The following PIP5K1C variants were observed in gnomAD, a reference collection of about 807,000 sequenced individuals.
The protein encoded by PIP5K1C is phosphatidylinositol-4-phosphate 5-kinase type 1 gamma, also known as phosphatidylinositol 4-phosphate 5-kinase type-1 gamma.
In PIP5K1C, 45 loss-of-function variants were observed where a neutral mutation model predicts 80.1. That is an observed-to-expected ratio of 0.56 (90% CI 0.44 to 0.72). The LOEUF (loss-of-function observed/expected upper bound fraction) is 0.72. Among genes scored for constraint, PIP5K1C ranks in the 30% least tolerant of loss-of-function variants. PIP5K1C has a pLI of 0.00. For synonymous variants in PIP5K1C, 498 were observed against 420.1 expected, an observed-to-expected ratio of 1.19 and a Z score of -2.27; for missense variants, 753 against 954.6, an observed-to-expected ratio of 0.79 and a Z score of 2.78.
chr19:3,643,134 C>G, intron 13 of PIP5K1C, 109 bp downstream of exon 13: 2 of 1,557,062 alleles, frequency 1.3e-6, no homozygotes, highest in South Asian at 1.1e-5. Context: ...ACCGTACATA[C>G]GATGCTCCAC....
chr19:3,653,644 G>A lies in PIP5K1C; in HGVS notation c.622-55C>T, dbSNP rs111957805. 9.7e-4 allele frequency: 1,477 copies of A among 1,526,890 alleles called. 17 individuals are homozygous for A. In the African/African-American group the frequency reaches 0.018, roughly 19 times the overall value. The allele number at this position is 1,526,890 out of a possible 1,614,324, so 94.6% of individuals were successfully genotyped here. On this transcript the variant is annotated intron_variant, in intron 6 of 17. Transcript: ENST00000335312. The stretch of plus-strand genomic sequence containing the variant: ...GGCGGCTGGGCCACAGACTCACGGG[G>A]GCGGGCAAAGCAGGCCTCTGCCTCA...
rs2035112124 is a variant in PIP5K1C, at chr19:3,668,968, C to T, written c.95-1615G>A. 2.0e-5 allele frequency among the ~76,000 whole-genome samples: 3 copies of T among 152,292 alleles called. No homozygotes were observed. The South Asian group carries it at 6.2e-4, about 32-fold the overall frequency. ...GGCGGGTACCGAAGGGGAGTGCCTCCCTGTTGGATTCCGATGCTGGCACCA... is the reference window on the plus strand; with the variant it reads ...GGCGGGTACCGAAGGGGAGTGCCTCTCTGTTGGATTCCGATGCTGGCACCA... On this transcript the variant is annotated intron_variant, in intron 1 of 17. Coordinates refer to ENST00000335312, the MANE Select transcript of PIP5K1C (RefSeq NM_012398.3).
intron 2 of PIP5K1C, among the ~76,000 whole-genome samples, chr19:3,665,244 G>A (rs1025193628): frequency 6.6e-6 from 1 of 152,180 alleles, no homozygotes; most frequent in African/African-American, 2.4e-5. Flanking sequence ...TGTGGACACT[G>A]GGGCTGGACC....
chr19:3,693,929 G>A (rs979241038), intron 1 of PIP5K1C, among the ~76,000 whole-genome samples: 4 of 151,776 alleles, frequency 2.6e-5, no homozygotes, highest in African/African-American at 9.7e-5. Context: ...AAATTTAAAA[G>A]AGGCTGGGCG....
intron 3 of PIP5K1C, among the ~76,000 whole-genome samples, chr19:3,662,425 A>G (rs1176425879): frequency 6.6e-6 from 1 of 152,216 alleles, no homozygotes; most frequent in African/African-American, 2.4e-5. Flanking sequence ...GGTTCCCGTT[A>G]GCTGCTTTCT....
intron 14 of PIP5K1C, 98 bp downstream of exon 14, chr19:3,642,809 T>C: frequency 4.4e-6 from 4 of 906,920 alleles, no homozygotes; most frequent in Admixed American, 1.7e-5. Context: ...CAGGAGAGAA[T>C]GGGCAGAGAG....
intron 16 of PIP5K1C, among the ~76,000 whole-genome samples, chr19:3,635,776 G>C (rs183382010): frequency 6.6e-6 from 1 of 152,186 alleles, no homozygotes; most frequent in African/African-American, 2.4e-5. Context: ...TCAGGAGATT[G>C]AGACCATCCT....
intron 1 of PIP5K1C, among the ~76,000 whole-genome samples, chr19:3,667,645 C>G (rs1360100643): frequency 1.3e-5 from 2 of 152,208 alleles, no homozygotes; most frequent in Admixed American, 6.5e-5. Context: ...GACGCCTAGG[C>G]TTGGCACCCA....
Position 3,637,754 on chromosome 19 carries a change from G to C in PIP5K1C, c.1920+1130C>G, listed in dbSNP as rs1248626267. On this transcript the variant is annotated intron_variant, in intron 16 of 17. Coordinates refer to ENST00000335312, the MANE Select transcript of PIP5K1C (RefSeq NM_012398.3). The surrounding 1 kb of genome is among the most constrained non-coding windows in gnomAD (Gnocchi z 7.0). Reference sequence around the variant, plus strand: ...GGGACAGCTGACTGCCAAGCAGAAGGTGGGGGGTGCCGGGGCAGGGGCAGG... The same window carrying C: ...GGGACAGCTGACTGCCAAGCAGAAGCTGGGGGGTGCCGGGGCAGGGGCAGG... 6 of 1,529,518 alleles carry C rather than the reference G, an allele frequency of 3.9e-6. No homozygotes were observed. The highest frequency in any genetic ancestry group is 5.2e-6 in the Non-Finnish European group (6 of 1,144,102). 94.7% of individuals were successfully genotyped at this position (1,529,518 alleles called of 1,614,324 possible). A position where few individuals can be genotyped will look rare whatever the true frequency, so the allele number is the denominator to read the frequency against.
intron 12 of PIP5K1C, among the ~76,000 whole-genome samples, chr19:3,643,846 G>C (rs2034090434): frequency 6.6e-6 from 1 of 152,114 alleles, no homozygotes; most frequent in African/African-American, 2.4e-5. Flanking sequence ...AGATGACAGT[G>C]GCCGTGAGAG....
intron 1 of PIP5K1C, among the ~76,000 whole-genome samples, chr19:3,689,238 G>A (rs568513851): frequency 2.0e-5 from 3 of 152,122 alleles, no homozygotes; most frequent in African/African-American, 7.2e-5. Flanking sequence ...ACAAGGTCAC[G>A]TATCGACTGG....
At chr19:3,675,674 A>G (rs1435689666) in intron 1 of PIP5K1C, among the ~76,000 whole-genome samples, 2 of 152,168 alleles carry the variant, frequency 1.3e-5, no homozygotes, top group Non-Finnish European at 2.9e-5. Flanking sequence ...GTGTACCCAC[A>G]TGCAAACGGC....
chr19:3,670,716 G>A (rs2035178034), intron 1 of PIP5K1C, among the ~76,000 whole-genome samples: 2 of 152,232 alleles, frequency 1.3e-5, no homozygotes, highest in African/African-American at 2.4e-5. Context: ...AACAGCTGAA[G>A]GGTCCTCCCC....
intron 3 of PIP5K1C, among the ~76,000 whole-genome samples, chr19:3,663,423 T>C (rs922466921): frequency 6.6e-6 from 1 of 151,914 alleles, no homozygotes; most frequent in East Asian, 1.9e-4. Flanking sequence ...TATGTTCACC[T>C]CCCCGAGATG....
At chr19:3,666,109 G>C (rs528033867) in intron 2 of PIP5K1C, among the ~76,000 whole-genome samples, 10 of 152,186 alleles carry the variant, frequency 6.6e-5, no homozygotes, top group Non-Finnish European at 1.3e-4. Context: ...CCCCCACGCC[G>C]GGGGACTCTG....
At chr19:3,691,109 A>C (rs2035935009) in intron 1 of PIP5K1C, among the ~76,000 whole-genome samples, 1 of 152,196 alleles carries the variant, frequency 6.6e-6, no homozygotes, top group Non-Finnish European at 1.5e-5. Flanking sequence ...CAAGAAAACA[A>C]AGAGGAAATG....
At chr19:3,677,937 AG>A in intron 1 of PIP5K1C, among the ~76,000 whole-genome samples, 1 of 90,046 alleles carries the variant, frequency 1.1e-5, no homozygotes, top group African/African-American at 4.5e-5. Flanking sequence ...TGGAGAATGG[AG>A]GGATGGAGGG....
chr19:3,694,985 G>A (rs763457642), intron 1 of PIP5K1C, among the ~76,000 whole-genome samples: 7 of 152,276 alleles, frequency 4.6e-5, no homozygotes, highest in Non-Finnish European at 8.8e-5. Context: ...CTCTGCCGCT[G>A]CAGCGTGGGG....
At chr19:3,665,722 C>T (rs950428817) in intron 2 of PIP5K1C, among the ~76,000 whole-genome samples, 16 of 152,302 alleles carry the variant, frequency 1.1e-4, no homozygotes, top group Admixed American at 9.8e-4. Context: ...CGCGGGTGTC[C>T]CAGCAGATGG....
Sources: allele counts gnomAD v4.1 joint callset (sites outside exome capture counted in the v4.1 genomes callset), GRCh38; gene constraint gnomAD v4.1.1; non-coding constraint Gnocchi (gnomAD v3.1); transcripts MANE v1.5; gene names NCBI Gene and HGNC (gene_info 2026-07-23, HGNC 2026-07-21).